THSD7A: variants seen among roughly 807,000 people sequenced by gnomAD.
THSD7A encodes thrombospondin type 1 domain containing 7A, also known as thrombospondin type-1 domain-containing protein 7A.
In THSD7A, 96 loss-of-function variants were observed where a neutral mutation model predicts 231.3. That is an observed-to-expected ratio of 0.41 (90% CI 0.35 to 0.49). THSD7A has a LOEUF of 0.49. Ranked by LOEUF, THSD7A falls within the 20% of genes least tolerant of loss-of-function variation. The probability of loss-of-function intolerance (pLI) is 0.05; values close to 1 mark genes in which losing one functional copy is unlikely to be tolerated. For synonymous variants in THSD7A, 940 were observed against 743.3 expected (o/e 1.26, Z -4.30); for missense variants, 2,290 against 2,070.2 (o/e 1.11, Z -2.06).
At chr7:11,635,279 C>T (rs1207503611) in intron 2 of THSD7A, among the ~76,000 whole-genome samples, 2 of 151,906 alleles carry the variant, frequency 1.3e-5, no homozygotes, top group Non-Finnish European at 2.9e-5. Context: ...CAGTTCAATC[C>T]AAATCATAAC....
At chr7:11,707,138 C>G (rs1474246261) in intron 1 of THSD7A, among the ~76,000 whole-genome samples, 1 of 150,708 alleles carries the variant, frequency 6.6e-6, no homozygotes, top group Non-Finnish European at 1.5e-5. Flanking sequence ...CTTTCTCTCC[C>G]TGAGTGCAAA....
chr7:11,695,768 G>A (rs559110964), intron 1 of THSD7A, among the ~76,000 whole-genome samples: 1 of 151,618 alleles, frequency 6.6e-6, no homozygotes, highest in South Asian at 2.1e-4. Flanking sequence ...AAGCTAAATA[G>A]TTTGGGCTTC....
chr7:11,615,387 T>A (rs1781072124), intron 2 of THSD7A, among the ~76,000 whole-genome samples: 1 of 152,284 alleles, frequency 6.6e-6, no homozygotes, highest in African/African-American at 2.4e-5. Flanking sequence ...TGGGCAATTA[T>A]CCCAGTTGTA....
At chr7:11,791,368 T>C (rs1783947777) in intron 1 of THSD7A, among the ~76,000 whole-genome samples, 1 of 152,130 alleles carries the variant, frequency 6.6e-6, no homozygotes, top group East Asian at 1.9e-4. Flanking sequence ...TTTCCTCTCA[T>C]ACTGATAAAT....
intron 4 of THSD7A, among the ~76,000 whole-genome samples, chr7:11,545,408 T>C (rs7458209): frequency 0.12 from 17,574 of 152,176 alleles, 2,063 homozygotes; most frequent in African/African-American, 0.3. Context: ...AAGCAAACAT[T>C]GTTTTATTAA....
intron 11 of THSD7A, among the ~76,000 whole-genome samples, chr7:11,454,365 A>C (rs540013264): frequency 6.6e-6 from 1 of 151,796 alleles, no homozygotes; most frequent in South Asian, 2.1e-4. Context: ...AAAATCCTTC[A>C]CTACTTCTCA....
chr7:11,821,980 AATAG>A (rs1244044269), intron 1 of THSD7A, among the ~76,000 whole-genome samples: 2 of 152,180 alleles, frequency 1.3e-5, no homozygotes, highest in Non-Finnish European at 2.9e-5. Flanking sequence ...CATCAGAAAC[AATAG>A]ATAGGTTACT....
At chr7:11,594,805 A>G (rs1205494080) in intron 2 of THSD7A, among the ~76,000 whole-genome samples, 1 of 152,160 alleles carries the variant, frequency 6.6e-6, no homozygotes, top group Non-Finnish European at 1.5e-5. Flanking sequence ...AAAAACAGAC[A>G]CAAGCTCTTA....
chr7:11,806,378 T>C (rs561893041), intron 1 of THSD7A, among the ~76,000 whole-genome samples: 2 of 152,140 alleles, frequency 1.3e-5, no homozygotes, highest in Non-Finnish European at 2.9e-5. Context: ...ATAAAGAACT[T>C]TTAGACCTTG....
chr7:11,636,952 C>T lies in THSD7A; in HGVS notation c.200G>A (p.Gly67Asp). ...TLYLWKTGPW[G>D]RCMGDECGPG... Reference sequence around the variant, plus strand: ...ACCACATTCATCTCCCATACATCGGCCCCATGGACCTACAAAAATTATAAC... The same window carrying T: ...ACCACATTCATCTCCCATACATCGGTCCCATGGACCTACAAAAATTATAAC... Residue 67 changes from glycine (G) to aspartate (D), a missense_variant, in exon 2 of 28, where the codon GGC becomes GAC. Coordinates refer to ENST00000423059, the MANE Select transcript of THSD7A (RefSeq NM_015204.3). This position sits in a 1 kb window ranked among gnomAD's most constrained non-coding sequence, Gnocchi z 10.0. 5.6e-6 allele frequency: 9 copies of T among 1,598,780 alleles called. No homozygotes were observed. The highest frequency in any genetic ancestry group is 7.7e-6 in the Non-Finnish European group (9 of 1,173,396).
chr7:11,630,127 A>G (rs1382810118), intron 2 of THSD7A, among the ~76,000 whole-genome samples: 1 of 152,238 alleles, frequency 6.6e-6, no homozygotes, highest in Non-Finnish European at 1.5e-5. Context: ...AATGCTTTAT[A>G]TTCAAGTTTG....
At chr7:11,678,726 T>A (rs1404190335) in intron 1 of THSD7A, among the ~76,000 whole-genome samples, 1 of 151,786 alleles carries the variant, frequency 6.6e-6, no homozygotes, top group African/African-American at 2.4e-5. Flanking sequence ...ACCAAAAAAA[T>A]GCCTAGGACA....
At chr7:11,418,348 C>A (rs769552672) in intron 16 of THSD7A, among the ~76,000 whole-genome samples, 24 of 152,102 alleles carry the variant, frequency 1.6e-4, no homozygotes, top group Non-Finnish European at 2.9e-4. Flanking sequence ...ATGAAGGGCT[C>A]CTTATTCATC....
chr7:11,790,547 G>T (rs1583293709), intron 1 of THSD7A, among the ~76,000 whole-genome samples: 1 of 151,938 alleles, frequency 6.6e-6, no homozygotes, highest in Non-Finnish European at 1.5e-5. Context: ...TTTGCATGAA[G>T]AAATTGAAAA....
chr7:11,376,358 G>A (rs1782272392), intron 27 of THSD7A, among the ~76,000 whole-genome samples: 1 of 152,000 alleles, frequency 6.6e-6, no homozygotes, highest in South Asian at 2.1e-4. Context: ...GAACATACTC[G>A]AGAAGATGAC....
chr7:11,579,494 G>A (rs890163097), intron 4 of THSD7A, among the ~76,000 whole-genome samples: 3 of 152,238 alleles, frequency 2.0e-5, no homozygotes, highest in East Asian at 1.9e-4. Context: ...CAAAAAGCAC[G>A]GATACTATAG....
intron 1 of THSD7A, among the ~76,000 whole-genome samples, chr7:11,645,711 A>G (rs971616480): frequency 6.6e-6 from 1 of 151,774 alleles, no homozygotes; most frequent in Non-Finnish European, 1.5e-5. Flanking sequence ...TTTTATTGCT[A>G]TGTTTTATTT....
intron 6 of THSD7A, among the ~76,000 whole-genome samples, chr7:11,493,387 C>G (rs954981703): frequency 6.6e-5 from 10 of 152,062 alleles, no homozygotes; most frequent in Non-Finnish European, 1.0e-4. Context: ...ATGAGTCTAG[C>G]TCACACGTTT....
chr7:11,431,473 G>T (rs1784476245), intron 13 of THSD7A, among the ~76,000 whole-genome samples: 2 of 152,016 alleles, frequency 1.3e-5, no homozygotes. Flanking sequence ...CCTAATTGTT[G>T]TGGCACCCTT....
Sources: gnomAD v4.1 joint callset for allele counts (sites outside exome capture counted in the v4.1 genomes callset) on GRCh38, gnomAD v4.1.1 for gene constraint, Gnocchi (gnomAD v3.1) non-coding constraint, MANE v1.5 for transcripts, NCBI Gene and HGNC (gene_info 2026-07-23, HGNC 2026-07-21) for gene names.